The following MGLL variants were observed in gnomAD, a reference collection of about 807,000 sequenced individuals.
The protein encoded by MGLL is monoglyceride lipase, also known as lysophospholipase homolog.
MGLL carries 7 observed loss-of-function variants against 29.1 expected under a neutral mutation model. That is an observed-to-expected ratio of 0.24 (90% CI 0.14 to 0.45). The LOEUF (loss-of-function observed/expected upper bound fraction) is 0.45. Ranked by LOEUF, MGLL falls within the 20% of genes least tolerant of loss-of-function variation. MGLL has a pLI of 0.99. For synonymous variants in MGLL, 148 were observed against 168.3 expected (o/e 0.88, Z 0.93); for missense variants, 356 against 413.6 (o/e 0.86, Z 1.21).
chr3:127,782,574 A>G (rs2077146133), intron 2 of MGLL, among the ~76,000 whole-genome samples: 1 of 152,202 alleles, frequency 6.6e-6, no homozygotes, highest in Non-Finnish European at 1.5e-5. Flanking sequence ...GTCCTCCACC[A>G]GGGCCTGCTT....
Position 127,692,404 on chromosome 3 carries a change from G to A in MGLL, c.817-81C>T. The A allele has an allele frequency of 9.6e-6, 15 of 1,568,844 alleles. 1 individual carries two copies. Among genetic ancestry groups the A allele is most frequent in the Non-Finnish European group, 1.3e-5 (15 of 1,145,810 alleles). On this transcript the variant is annotated intron_variant, in intron 7 of 7. Transcript: ENST00000265052. Reference sequence around the variant, plus strand: ...AGCGGAGACCGTGGGCAGTGGGCAGGGGTCTGCAGCATTCTCCGGACCCTC... The same window carrying A: ...AGCGGAGACCGTGGGCAGTGGGCAGAGGTCTGCAGCATTCTCCGGACCCTC...
At chr3:127,798,738 G>A (rs1446766397) in intron 2 of MGLL, among the ~76,000 whole-genome samples, 2 of 152,032 alleles carry the variant, frequency 1.3e-5, no homozygotes, top group East Asian at 1.9e-4. Flanking sequence ...TCATCTCCCC[G>A]CACCTTTGTG....
At chr3:127,730,130 C>T (rs1463454714) in intron 3 of MGLL, among the ~76,000 whole-genome samples, 1 of 152,210 alleles carries the variant, frequency 6.6e-6, no homozygotes, top group Non-Finnish European at 1.5e-5. Context: ...TCCCCAAGTC[C>T]TTCTAGATTT....
At chr3:127,788,237 C>G (rs529389378) in intron 2 of MGLL, among the ~76,000 whole-genome samples, 28 of 152,262 alleles carry the variant, frequency 1.8e-4, no homozygotes, top group African/African-American at 6.5e-4. Context: ...ACAGCTGACA[C>G]CTTGGCCAGA....
intron 2 of MGLL, among the ~76,000 whole-genome samples, chr3:127,811,674 A>G (rs1257533577): frequency 6.6e-6 from 1 of 152,262 alleles, no homozygotes; most frequent in Non-Finnish European, 1.5e-5. Context: ...AAGCACTTGC[A>G]TACTGGCATC....
At chr3:127,808,376 G>A (rs1341979836) in intron 2 of MGLL, among the ~76,000 whole-genome samples, 2 of 152,160 alleles carry the variant, frequency 1.3e-5, no homozygotes, top group African/African-American at 2.4e-5. Flanking sequence ...TTGCCAGAGT[G>A]CCCAGGGTTC....
chr3:127,739,890 T>C (rs559391431), intron 3 of MGLL, among the ~76,000 whole-genome samples: 2 of 152,318 alleles, frequency 1.3e-5, no homozygotes, highest in South Asian at 4.1e-4. Context: ...GCACTTGCTG[T>C]ATGCTGGCCA....
At chr3:127,710,502 G>A in intron 6 of MGLL, 74 bp downstream of exon 6, 1 of 1,314,778 alleles carries the variant, frequency 7.6e-7, no homozygotes. Flanking sequence ...GAATGCCAAG[G>A]CTGGAGCCAA....
chr3:127,698,838 A>C (rs904454244), intron 6 of MGLL, among the ~76,000 whole-genome samples: 1 of 152,256 alleles, frequency 6.6e-6, no homozygotes, highest in Non-Finnish European at 1.5e-5. Context: ...ACAAGTAACA[A>C]AGGCCCAGGC....
At chr3:127,754,417 G>A (rs368953561) in intron 3 of MGLL, among the ~76,000 whole-genome samples, 144 of 151,722 alleles carry the variant, frequency 9.5e-4, no homozygotes, top group South Asian at 1.7e-3. Flanking sequence ...ACTGCAAGCC[G>A]TCTTCAGGGA....
At chr3:127,754,216 G>A (rs1409167653) in intron 3 of MGLL, among the ~76,000 whole-genome samples, 1 of 152,214 alleles carries the variant, frequency 6.6e-6, no homozygotes, top group South Asian at 2.1e-4. Context: ...CGACCCGCCA[G>A]GCACTGCCGC....
chr3:127,714,999 C>A (rs972119637), intron 5 of MGLL, among the ~76,000 whole-genome samples: 2 of 152,190 alleles, frequency 1.3e-5, no homozygotes, highest in African/African-American at 4.8e-5. Context: ...GCGCCAGGGG[C>A]TCCAGGGCCA....
chr3:127,816,935 G>A (rs1364689264), intron 2 of MGLL, among the ~76,000 whole-genome samples: 1 of 152,256 alleles, frequency 6.6e-6, no homozygotes, highest in Non-Finnish European at 1.5e-5. Flanking sequence ...TCCACGGCCT[G>A]TGTTCCCCTT....
At chr3:127,725,044 G>A (rs1194653132) in intron 3 of MGLL, among the ~76,000 whole-genome samples, 1 of 151,800 alleles carries the variant, frequency 6.6e-6, no homozygotes, top group East Asian at 1.9e-4. Flanking sequence ...CCTCCTTAAG[G>A]GGTGGTCCAC....
rs189228650 is a variant in MGLL at position 127,803,325 on chromosome 3, C to A, written c.155+18369G>T. On this transcript the variant is annotated intron_variant, in intron 2 of 7. Coordinates refer to ENST00000265052, the MANE Select transcript of MGLL (RefSeq NM_007283.7). ...GCTGCACGGGGAGGGCCTTTGTTTG[C>A]TCTTGTTCTGGCAGTGGGCACCCAC... 2.0e-3 allele frequency among the ~76,000 whole-genome samples: 306 copies of A among 152,234 alleles called. 1 individual carries two copies. The highest frequency in any genetic ancestry group is 7.2e-3 in the African/African-American group (299 of 41,548).
At chr3:127,774,414 C>G (rs553012812) in intron 3 of MGLL, among the ~76,000 whole-genome samples, 1 of 152,362 alleles carries the variant, frequency 6.6e-6, no homozygotes, top group African/African-American at 2.4e-5. Flanking sequence ...TCACTCATGT[C>G]TGCCTGGCTC....
At chr3:127,744,276 A>G (rs2076399378) in intron 3 of MGLL, among the ~76,000 whole-genome samples, 3 of 152,270 alleles carry the variant, frequency 2.0e-5, no homozygotes, top group Admixed American at 2.0e-4. Flanking sequence ...ATAAGAGGAA[A>G]CAGAATGACA....
At chr3:127,754,369 C>A (rs950562468) in intron 3 of MGLL, among the ~76,000 whole-genome samples, 12 of 148,236 alleles carry the variant, frequency 8.1e-5, no homozygotes, top group Middle Eastern at 3.5e-3. Context: ...AAAAAAAAAA[C>A]CAGATCTATC....
intron 5 of MGLL, chr3:127,710,951 A>G (rs76447084): frequency 7.8e-4 from 343 of 440,018 alleles, no homozygotes; most frequent in African/African-American, 6.1e-3. Flanking sequence ...TACCCTCCCC[A>G]TGATCGCTCA....
Sources: allele counts gnomAD v4.1 joint callset (sites outside exome capture counted in the v4.1 genomes callset), GRCh38; gene constraint gnomAD v4.1.1; transcripts MANE v1.5; gene names NCBI Gene and HGNC (gene_info 2026-07-23, HGNC 2026-07-21).